The following HYCC1 variants were observed in gnomAD, a reference collection of about 807,000 sequenced individuals.
The protein encoded by HYCC1 is hyccin PI4KA lipid kinase complex subunit 1, also known as hyccin.
the HYCC1 span, among the ~76,000 whole-genome samples, chr7:22,954,644 T>C: frequency 3.3e-5 from 5 of 151,568 alleles, no homozygotes; most frequent in Non-Finnish European, 7.4e-5. Context: ...AAATTTCATT[T>C]AGTCTGATTG....
the HYCC1 span, among the ~76,000 whole-genome samples, chr7:23,013,051 AG>A: frequency 6.6e-6 from 1 of 152,206 alleles, no homozygotes; most frequent in African/African-American, 2.4e-5. Context: ...GATTCTGTGC[AG>A]TACTAAACCA....
the HYCC1 span, chr7:22,942,197 A>G: frequency 2.6e-5 from 4 of 152,192 alleles, no homozygotes; most frequent in Admixed American, 2.6e-4. Flanking sequence ...GGTTTTAAAA[A>G]TATATTTCCC....
At chr7:22,984,658 G>A in the HYCC1 span, among the ~76,000 whole-genome samples, 61 of 152,280 alleles carry the variant, frequency 4.0e-4, no homozygotes, top group East Asian at 5.2e-3. Context: ...GGAGGTCAAC[G>A]CTGCAGAGAG....
At chr7:22,971,760 G>C in the HYCC1 span, among the ~76,000 whole-genome samples, 1 of 151,526 alleles carries the variant, frequency 6.6e-6, no homozygotes, top group African/African-American at 2.4e-5. Flanking sequence ...AAGGAGAAAA[G>C]AGAAAGTGGA....
chr7:22,925,574 G>A, the HYCC1 span, among the ~76,000 whole-genome samples: 1 of 152,150 alleles, frequency 6.6e-6, no homozygotes, highest in Non-Finnish European at 1.5e-5. Flanking sequence ...CTGGAAGAAA[G>A]GGTATCAGTG....
the HYCC1 span, among the ~76,000 whole-genome samples, chr7:22,953,616 A>G: frequency 6.6e-6 from 1 of 152,042 alleles, no homozygotes; most frequent in Admixed American, 6.6e-5. Context: ...TGTGTCAAAC[A>G]TATCAATGTA....
the HYCC1 span, among the ~76,000 whole-genome samples, chr7:22,953,571 A>G: frequency 6.6e-6 from 1 of 151,926 alleles, no homozygotes; most frequent in Non-Finnish European, 1.5e-5. Flanking sequence ...TTCTGTACAC[A>G]GTCTTTCTTT....
chr7:22,897,951 A>G, the HYCC1 span, among the ~76,000 whole-genome samples: 153 of 151,926 alleles, frequency 1.0e-3, no homozygotes, highest in African/African-American at 3.6e-3. Context: ...TCTTATTGCT[A>G]TCATCATGAT....
chr7:22,955,061 T>C, the HYCC1 span, among the ~76,000 whole-genome samples: 1 of 151,568 alleles, frequency 6.6e-6, no homozygotes, highest in Non-Finnish European at 1.5e-5. Context: ...ACACGTTAGA[T>C]AATAAAGTTA....
the HYCC1 span, among the ~76,000 whole-genome samples, chr7:22,954,142 C>T: frequency 6.6e-6 from 1 of 151,140 alleles, no homozygotes; most frequent in Admixed American, 6.6e-5. Flanking sequence ...ATCAGATTTA[C>T]AAAATAAATG....
At chr7:23,010,121 T>C in the HYCC1 span, among the ~76,000 whole-genome samples, 2,450 of 152,292 alleles carry the variant, frequency 0.016, 72 homozygotes, top group African/African-American at 0.056. Context: ...ACTTCAGAAG[T>C]ACTTCAGGGA....
chr7:22,909,736 G>A, the HYCC1 span, among the ~76,000 whole-genome samples: 3 of 151,998 alleles, frequency 2.0e-5, no homozygotes, highest in South Asian at 2.1e-4. Flanking sequence ...TTCTTTCCCC[G>A]GACCCTTCTC....
the HYCC1 span, among the ~76,000 whole-genome samples, chr7:22,954,567 T>G: frequency 0.024 from 3,672 of 151,566 alleles, 63 homozygotes; most frequent in Non-Finnish European, 0.035. Flanking sequence ...TTATTTTAAA[T>G]GCTGAAAAAT....
the HYCC1 span, chr7:22,961,413 A>G: frequency 1.3e-6 from 1 of 761,550 alleles, no homozygotes; most frequent in African/African-American, 1.8e-5. Context: ...AAGAAAATAA[A>G]AGATCATATT....
At chr7:22,953,212 C>T in the HYCC1 span, among the ~76,000 whole-genome samples, 2 of 151,826 alleles carry the variant, frequency 1.3e-5, no homozygotes, top group African/African-American at 4.8e-5. Context: ...TATTACAGAT[C>T]CTCATGACCA....
the HYCC1 span, among the ~76,000 whole-genome samples, chr7:22,998,461 C>T: frequency 2.0e-5 from 3 of 151,894 alleles, no homozygotes; most frequent in Non-Finnish European, 4.4e-5. Flanking sequence ...CTCAGTGGTT[C>T]AACATTTTTT....
At chr7:22,959,742 T>C in the HYCC1 span, among the ~76,000 whole-genome samples, 2 of 152,146 alleles carry the variant, frequency 1.3e-5, no homozygotes, top group African/African-American at 2.4e-5. Flanking sequence ...GATATATATA[T>C]ACACACACAC....
At chr7:22,922,094 G>C in the HYCC1 span, among the ~76,000 whole-genome samples, 1 of 151,208 alleles carries the variant, frequency 6.6e-6, no homozygotes, top group Non-Finnish European at 1.5e-5. Flanking sequence ...GAGACCCATG[G>C]AAAACAAAAA....
the HYCC1 span, chr7:22,978,545 A>C: frequency 1.9e-6 from 2 of 1,031,868 alleles, no homozygotes; most frequent in African/African-American, 3.2e-5. Flanking sequence ...GGTAAAAATC[A>C]TATCTTTTTA....
Sources: gnomAD v4.1 joint callset for allele counts (sites outside exome capture counted in the v4.1 genomes callset) on GRCh38, gnomAD v4.1.1 for gene constraint, MANE v1.5 for transcripts, NCBI Gene and HGNC (gene_info 2026-07-23, HGNC 2026-07-21) for gene names.